EXOC6B: variants seen among roughly 807,000 people sequenced by gnomAD.
EXOC6B encodes SEC15 homolog B.
In EXOC6B, 54 loss-of-function variants were observed where a neutral mutation model predicts 113.5. The observed-to-expected ratio is 0.48, with a 90% confidence interval of 0.38 to 0.60. The LOEUF (loss-of-function observed/expected upper bound fraction) is 0.60, where lower values mean the gene tolerates loss of function less well. EXOC6B is among the 20% of genes least tolerant of loss of function. The pLI is 0.00. For synonymous variants in EXOC6B, 357 were observed against 339.0 expected, an observed-to-expected ratio of 1.05 and a Z score of -0.58; for missense variants, 797 against 977.5, an observed-to-expected ratio of 0.82 and a Z score of 2.46.
At chr2:72,319,034 A>G (rs774817997) in intron 20 of EXOC6B, among the ~76,000 whole-genome samples, 8 of 152,016 alleles carry the variant, frequency 5.3e-5, no homozygotes, top group Non-Finnish European at 1.0e-4. Context: ...TTTAAAACCC[A>G]TAAGAATGCT....
At chr2:72,665,918 C>T (rs974708597) in intron 6 of EXOC6B, among the ~76,000 whole-genome samples, 8 of 152,088 alleles carry the variant, frequency 5.3e-5, no homozygotes, top group African/African-American at 1.9e-4. Context: ...AAAGATGACC[C>T]AATTATATGC....
At chr2:72,456,826 C>G (rs965256200) in intron 18 of EXOC6B, among the ~76,000 whole-genome samples, 12 of 152,026 alleles carry the variant, frequency 7.9e-5, no homozygotes, top group Admixed American at 7.2e-4. Context: ...CATGTCCAGC[C>G]CAAGGTAAAA....
intron 19 of EXOC6B, among the ~76,000 whole-genome samples, chr2:72,374,372 C>T (rs1169021539): frequency 6.6e-6 from 1 of 152,144 alleles, no homozygotes; most frequent in Non-Finnish European, 1.5e-5. Flanking sequence ...GAATGAAATC[C>T]TGTCATTTGT....
chr2:72,514,994 T>G, intron 9 of EXOC6B, 49 bp downstream of exon 9: 1 of 1,477,366 alleles, frequency 6.8e-7, no homozygotes, highest in Non-Finnish European at 9.3e-7. Flanking sequence ...TCAAAAGACA[T>G]CAAGGAGGAA....
chr2:72,387,468 G>A (rs1426240938), intron 18 of EXOC6B, among the ~76,000 whole-genome samples: 1 of 152,060 alleles, frequency 6.6e-6, no homozygotes, highest in East Asian at 1.9e-4. Flanking sequence ...TAGTTTCTTT[G>A]TGGGAGGGTT....
chr2:72,560,666 A>T (rs1208397544), intron 7 of EXOC6B, among the ~76,000 whole-genome samples: 4 of 152,070 alleles, frequency 2.6e-5, no homozygotes, highest in African/African-American at 7.2e-5. Context: ...GTTCAAACTT[A>T]TTGACTATTC....
intron 6 of EXOC6B, among the ~76,000 whole-genome samples, chr2:72,603,643 G>T (rs1306266426): frequency 6.6e-6 from 1 of 152,144 alleles, no homozygotes; most frequent in Admixed American, 6.5e-5. Flanking sequence ...CAAGTGGTGT[G>T]TACCTATCTG....
At chr2:72,514,595 TAAATAA>T (rs767636830) in intron 10 of EXOC6B, 33 bp downstream of exon 10, 231 of 242,742 alleles carry the variant, frequency 9.5e-4, no homozygotes, top group Admixed American at 5.5e-3. Flanking sequence ...AATAAATAAA[TAAATAA>T]ATAAATATAT....
intron 6 of EXOC6B, among the ~76,000 whole-genome samples, chr2:72,617,746 C>T (rs1671487721): frequency 6.6e-6 from 1 of 151,896 alleles, no homozygotes. Flanking sequence ...AATTCCCAAC[C>T]TCAAGTGATC....
In EXOC6B at chr2:72,468,670, C is replaced by T. The variant is rs186574754; in HGVS notation, c.1801-3331G>A. 1.8e-4 allele frequency among the ~76,000 whole-genome samples: 28 copies of T among 152,202 alleles called. No individual in the cohort carries two copies. In the East Asian group the frequency reaches 5.2e-3, roughly 28 times the overall value. Reference sequence around the variant, plus strand: ...AATCTTACTATTATTTACTTTATTCCTATGAAAAATGCATTAGAATTTGAA... The same window carrying T: ...AATCTTACTATTATTTACTTTATTCTTATGAAAAATGCATTAGAATTTGAA... On this transcript the variant is annotated intron_variant, in intron 17 of 21. Transcript: ENST00000272427.
intron 1 of EXOC6B, among the ~76,000 whole-genome samples, chr2:72,819,620 T>TAACAA (rs1686472360): frequency 6.6e-6 from 1 of 151,952 alleles, no homozygotes; most frequent in Non-Finnish European, 1.5e-5. Context: ...ACCACTAAAC[T>TAACAA]AACAAAACTC....
chr2:72,796,541 C>G (rs552131372), intron 1 of EXOC6B, among the ~76,000 whole-genome samples: 37 of 151,408 alleles, frequency 2.4e-4, no homozygotes, highest in Non-Finnish European at 4.6e-4. Context: ...TCTTCAAGAA[C>G]AGGAACTCTA....
intron 8 of EXOC6B, among the ~76,000 whole-genome samples, chr2:72,520,096 T>G (rs1433725675): frequency 6.6e-6 from 1 of 152,232 alleles, no homozygotes; most frequent in Admixed American, 6.5e-5. Flanking sequence ...CATCTGATAT[T>G]GTTTACTGTC....
chr2:72,648,480 C>A (rs546994194), intron 6 of EXOC6B, among the ~76,000 whole-genome samples: 1 of 152,188 alleles, frequency 6.6e-6, no homozygotes, highest in Non-Finnish European at 1.5e-5. Flanking sequence ...CACATGTACA[C>A]ATATGTTTCT....
intron 17 of EXOC6B, among the ~76,000 whole-genome samples, chr2:72,467,849 C>T (rs1369343867): frequency 1.3e-5 from 2 of 152,104 alleles, no homozygotes; most frequent in African/African-American, 4.8e-5. Flanking sequence ...TGGCTCACTG[C>T]AACCTCCAGC....
At chr2:72,784,257 A>C (rs1318576253) in intron 1 of EXOC6B, among the ~76,000 whole-genome samples, 1 of 152,194 alleles carries the variant, frequency 6.6e-6, no homozygotes, top group Non-Finnish European at 1.5e-5. Context: ...CTAGTAATAT[A>C]TTTTAAAATC....
At chr2:72,265,559 C>A (rs1254111326) in intron 20 of EXOC6B, among the ~76,000 whole-genome samples, 1 of 151,772 alleles carries the variant, frequency 6.6e-6, no homozygotes, top group African/African-American at 2.4e-5. Context: ...CAATTTCATC[C>A]ATGTCCCTAC....
At chr2:72,823,987 T>C (rs746713757) in intron 1 of EXOC6B, among the ~76,000 whole-genome samples, 3 of 152,070 alleles carry the variant, frequency 2.0e-5, no homozygotes, top group Non-Finnish European at 2.9e-5. Flanking sequence ...AAAATGGGAA[T>C]TGAGAAAAGC....
intron 1 of EXOC6B, among the ~76,000 whole-genome samples, chr2:72,782,226 T>C (rs1312373909): frequency 6.6e-6 from 1 of 152,070 alleles, no homozygotes; most frequent in East Asian, 1.9e-4. Flanking sequence ...CTTGACCGTT[T>C]CTTGTTTCTT....
Sources: allele counts gnomAD v4.1 joint callset (sites outside exome capture counted in the v4.1 genomes callset), GRCh38; gene constraint gnomAD v4.1.1; transcripts MANE v1.5; gene names NCBI Gene and HGNC (gene_info 2026-07-23, HGNC 2026-07-21).